Variants in MUC17 observed in about 807,000 individuals in gnomAD.
The protein encoded by MUC17 is mucin 17, cell surface associated, also known as mucin-17.
Under a neutral mutation model 170.3 loss-of-function variants are expected in MUC17, and 190 were observed. The observed-to-expected ratio is 1.12, with a 90% CI of 0.99 to 1.26. The LOEUF is 1.26. Ranked by LOEUF, MUC17 falls within the 50% of genes most tolerant of loss-of-function variation. The pLI is 0.00. For missense variants in MUC17, 6,415 were observed against 5,530.0 expected, an observed-to-expected ratio of 1.16 and a Z score of -5.08; for synonymous variants, 2,325 against 2,002.5, an observed-to-expected ratio of 1.16 and a Z score of -4.30.
Position 101,043,205 on chromosome 7 carries a change from C to T in MUC17, c.11789C>T (p.Thr3930Ile). The change falls in exon 3 of 13, where the codon ACA becomes ATA. Residue 3930 changes from threonine (T) to isoleucine (I), a missense_variant. Coordinates refer to ENST00000306151, the MANE Select transcript of MUC17 (RefSeq NM_001040105.2). ...ACCACCATATCTGTATCAGTGATCA[C>T]AGAAGGAAGCACACCTGGGACAACC... ...VATTISVSVI[T>I]EGSTPGTTIF... The T allele has an allele frequency of 6.2e-7, 1 of 1,614,152 alleles. No individual in the cohort carries two copies. The highest frequency in any genetic ancestry group is 8.5e-7 in the Non-Finnish European group (1 of 1,180,014).
chr7:101,038,515 A>G lies in MUC17; in HGVS notation c.7099A>G (p.Thr2367Ala), dbSNP rs143092040. ...TLSTTPADTS[T>A]PVTTYSQAGS... is the part of the protein sequence containing the mutation. Reference sequence around the variant, plus strand: ...TTCTACAACTCCTGCTGACACCAGCACACCTGTGACTACTTATTCTCAAGC... The same window carrying G: ...TTCTACAACTCCTGCTGACACCAGCGCACCTGTGACTACTTATTCTCAAGC... The change falls in exon 3 of 13, where the codon ACA (threonine) becomes GCA (alanine). Residue 2367 changes from threonine (T) to alanine (A), a missense_variant. Thr to Ala is a moderately conservative substitution (Grantham distance 58). Transcript: ENST00000306151. 2.5e-5 allele frequency: 40 copies of G among 1,605,170 alleles called. No homozygotes were observed. Among genetic ancestry groups the G allele is most frequent in the African/African-American group, 1.1e-4 (8 of 74,482 alleles).
Position 101,039,688 on chromosome 7 carries a change from G to C in MUC17, c.8272G>C (p.Val2758Leu), listed in dbSNP as rs755850315. 4.3e-6 allele frequency: 7 copies of C among 1,613,082 alleles called. No homozygotes were observed. Among genetic ancestry groups the C allele is most frequent in the Non-Finnish European group, 5.1e-6 (6 of 1,179,702 alleles). ...DGSTPLTSIL[V>L]STLPVASSEA... ...AAGTACTCCATTAACAAGTATACTT[G>C]TCAGCACCCTGCCAGTGGCCAGTTC... The change falls in exon 3 of 13, where the codon GTC becomes CTC. Residue 2758 changes from valine (V) to leucine (L), a missense_variant. Transcript: ENST00000306151.
chr7:101,037,705 C>A lies in MUC17; in HGVS notation c.6289C>A (p.Pro2097Thr). 1 of 1,612,456 alleles carries A rather than the reference C, an allele frequency of 6.2e-7. No homozygotes were observed. Among genetic ancestry groups the A allele is most frequent in the Non-Finnish European group, 8.5e-7 (1 of 1,179,628 alleles). Residue 2097 changes from proline (P) to threonine (T), a missense_variant, in exon 3 of 13, where the codon CCT becomes ACT. Physicochemically the swap from Pro to Thr is conservative, Grantham distance 38. Transcript: ENST00000306151. ...AGGTAGCAGCATGACAATCTCAGCT[C>A]CTAGTGAAGGAAGTCCTCTACTAAC... Reference protein sequence around the residue: ...AEGSSMTISAPSEGSPLLTSI... With the variant: ...AEGSSMTISATSEGSPLLTSI...
In MUC17 at chr7:101,049,382, G is replaced by A. The variant is rs769657075; in HGVS notation, c.12722G>A (p.Arg4241His). The A allele has an allele frequency of 3.7e-5, 60 of 1,612,096 alleles. No individual in the cohort carries two copies. Among genetic ancestry groups the A allele is most frequent in the Non-Finnish European group, 4.5e-5 (53 of 1,178,996 alleles). The change falls in exon 6 of 13, where the codon CGT becomes CAT. Residue 4241 changes from arginine to histidine, a missense_variant and splice_region_variant. Physicochemically the swap from Arg to His is conservative, Grantham distance 29. Coordinates refer to ENST00000306151, the MANE Select transcript of MUC17 (RefSeq NM_001040105.2). ...EYVGVNITKL[R>H]LGSVVVEHDV... ...GTCGGGGTGAACATCACAAAGCTAC[G>A]GTAAGTGTCTGGGCCCTTGGGAAGA... is the stretch of plus-strand genomic sequence containing the variant.
At position 101,043,123 on chromosome 7, in the gene MUC17, A is replaced by G. The variant is rs145373779; in HGVS notation, c.11707A>G (p.Ser3903Gly). ...AGCTTCGACACCTCCTCTTGACACA[A>G]GCACAACTTTTACCCCTTCTACTGA... ...SIASTPPLDTSTTFTPSTDTA... is the reference protein window; with the variant it reads ...SIASTPPLDTGTTFTPSTDTA... Residue 3903 changes from serine to glycine, a missense_variant, in exon 3 of 13, where the codon AGC becomes GGC. Ser to Gly is a moderately conservative substitution (Grantham distance 56, BLOSUM62 0). Transcript: ENST00000306151. 1.4e-5 allele frequency: 23 copies of G among 1,614,004 alleles called. No individual in the cohort carries two copies. The African/African-American group carries it at 2.0e-4, about 14-fold the overall frequency.
chr7:101,043,412 C>A lies in MUC17; in HGVS notation c.11996C>A (p.Ala3999Glu), dbSNP rs201522415. The A allele has an allele frequency of 4.1e-5, 66 of 1,614,036 alleles. No individual in the cohort carries two copies. The African/African-American group carries it at 7.5e-4, about 18-fold the overall frequency. ...KEFTTPAMTT[A>E]APLTYVTMST... The stretch of plus-strand genomic sequence containing the variant: ...TTTACAACACCCGCAATGACTACTG[C>A]AGCTCCCCTCACATATGTGACCATG... Residue 3999 changes from alanine to glutamate, a missense_variant, in exon 3 of 13, where the codon GCA (alanine) becomes GAA (glutamate). Coordinates refer to ENST00000306151, the MANE Select transcript of MUC17 (RefSeq NM_001040105.2).
At chr7:101,027,783 T>C (rs1794207167) in intron 1 of MUC17, among the ~76,000 whole-genome samples, 2 of 152,158 alleles carry the variant, frequency 1.3e-5, no homozygotes, top group African/African-American at 4.8e-5. Context: ...AAATTTCTTT[T>C]TTTTTTGAGA....
At position 101,041,356 on chromosome 7, in the gene MUC17, A is replaced by G. The variant is rs1794696079; in HGVS notation, c.9940A>G (p.Thr3314Ala). Residue 3314 changes from threonine (T) to alanine (A), a missense_variant, in exon 3 of 13, where the codon ACT becomes GCT. By Grantham distance (58) the Thr-to-Ala change is moderately conservative. Transcript: ENST00000306151. The stretch of plus-strand genomic sequence containing the variant: ...TGCTGACACCAGCACACCTGTGACC[A>G]CTTATTCTCAAGCCAGTTCATCTCC... ...TPADTSTPVT[T>A]YSQASSSPPI... is the part of the protein sequence containing the mutation. 1 of 1,613,282 alleles carries G rather than the reference A, an allele frequency of 6.2e-7. No homozygotes were observed.
chr7:101,058,316 G>A lies in MUC17; in HGVS notation c.*272G>A. The stretch of plus-strand genomic sequence containing the variant: ...GACGCTCCAGATTTGAGGGTACTCT[G>A]ACTGCAACATCTTTCACCCCATTGA... On this transcript the variant is annotated 3_prime_UTR_variant, in exon 13 of 13. Coordinates refer to ENST00000306151, the MANE Select transcript of MUC17 (RefSeq NM_001040105.2). The A allele has an allele frequency of 3.1e-6, 1 of 322,586 alleles. No individual in the cohort carries two copies. Among genetic ancestry groups the A allele is most frequent in the African/African-American group, 2.1e-5 (1 of 47,294 alleles). 20.0% of individuals were successfully genotyped at this position (322,586 alleles called of 1,614,324 possible).
At position 101,042,461 on chromosome 7, in the gene MUC17, C is replaced by A; in HGVS notation, c.11045C>A (p.Thr3682Asn). Residue 3682 changes from threonine to asparagine, a missense_variant, in exon 3 of 13, where the codon ACC becomes AAC. By Grantham distance (65) the Thr-to-Asn change is moderately conservative. Coordinates refer to ENST00000306151, the MANE Select transcript of MUC17 (RefSeq NM_001040105.2). ...TCATCTCCTGTGACTCCTGAAGGTACCACCATGCCAATCTGGACGCCTAGT... is the reference window on the plus strand; with the variant it reads ...TCATCTCCTGTGACTCCTGAAGGTAACACCATGCCAATCTGGACGCCTAGT... ...VSSSPVTPEG[T>N]TMPIWTPSEG... is the part of the protein sequence containing the mutation. 6.2e-7 allele frequency: 1 copy of A among 1,613,766 alleles called. No homozygotes were observed. Among genetic ancestry groups the A allele is most frequent in the South Asian group, 1.1e-5 (1 of 91,054 alleles).
Position 101,042,173 on chromosome 7 carries a change from C to T in MUC17, c.10757C>T (p.Thr3586Ile). 6.2e-7 allele frequency: 1 copy of T among 1,614,228 alleles called. No homozygotes were observed. The highest frequency in any genetic ancestry group is 2.2e-5 in the East Asian group (1 of 44,890). Residue 3586 changes from threonine (T) to isoleucine (I), a missense_variant, in exon 3 of 13, where the codon ACA becomes ATA. Transcript: ENST00000306151. ...SSLTTMLLSS[T>I]YVTSSEASTP... ...TTAACAACTATGCTCCTCAGCAGCA[C>T]ATATGTGACCAGTTCTGAGGCTAGC...
rs1794360636 is a variant in MUC17, at chr7:101,033,587, A to G, written c.2171A>G (p.Glu724Gly). Reference protein sequence around the residue: ...DTSTPVTTSTEASSSPTTADG... With the variant: ...DTSTPVTTSTGASSSPTTADG... ...AGCACACCTGTGACCACTTCAACTGAAGCCAGTTCCTCTCCTACAACTGCT... is the reference window on the plus strand; with the variant it reads ...AGCACACCTGTGACCACTTCAACTGGAGCCAGTTCCTCTCCTACAACTGCT... The change falls in exon 3 of 13, where the codon GAA (glutamate) becomes GGA (glycine). Residue 724 changes from glutamate to glycine, a missense_variant. Coordinates refer to ENST00000306151, the MANE Select transcript of MUC17 (RefSeq NM_001040105.2). 1.9e-6 allele frequency: 3 copies of G among 1,613,740 alleles called. No homozygotes were observed. The highest frequency in any genetic ancestry group is 2.5e-6 in the Non-Finnish European group (3 of 1,179,932).
chr7:101,041,289 A>T lies in MUC17; in HGVS notation c.9873A>T (p.Thr3291=), dbSNP rs527760825. ...TAACAAGTATGCCTGTCAGCACCAC[A>T]ACGGTGGCCAGTTCTGAAACGAGCA... is the stretch of plus-strand genomic sequence containing the variant. The part of the protein sequence containing the change: ...TPLTSMPVST[T]TVASSETSTL... The change falls in exon 3 of 13, where the codon ACA becomes ACT. Residue 3291 remains threonine (T), a synonymous_variant. Coordinates refer to ENST00000306151, the MANE Select transcript of MUC17 (RefSeq NM_001040105.2). 1,643 of 1,601,672 alleles carry T rather than the reference A, an allele frequency of 1.0e-3. 5 individuals are homozygous for T. The African/African-American group carries it at 0.019, about 18-fold the overall frequency.
chr7:101,030,971 A>G, intron 1 of MUC17, 149 bp from the exon 2 acceptor site: 3 of 913,196 alleles, frequency 3.3e-6, no homozygotes. Context: ...TTTCTGGGGC[A>G]GGGTCCTGAT....
At chr7:101,029,793 T>A (rs1378727703) in intron 1 of MUC17, among the ~76,000 whole-genome samples, 1 of 151,980 alleles carries the variant, frequency 6.6e-6, no homozygotes, top group Non-Finnish European at 1.5e-5. Context: ...GAGACAGGGT[T>A]TCACCATGTT....
In MUC17 at chr7:101,047,971, G is replaced by C. The variant is rs768965597; in HGVS notation, c.12404-13G>C. On this transcript the variant is annotated splice_polypyrimidine_tract_variant and intron_variant, in intron 3 of 12. Transcript: ENST00000306151. ...AGGAACTTGGAAAGAAAACTTCTGT[G>C]ATTGTTCCACAGGCTTTGGAGATGG... 4 of 1,570,382 alleles carry C rather than the reference G, an allele frequency of 2.5e-6. No individual in the cohort carries two copies. Among genetic ancestry groups the C allele is most frequent in the Non-Finnish European group, 3.4e-6 (4 of 1,160,188 alleles).
Position 101,031,169 on chromosome 7 carries a change from A to G in MUC17, c.132A>G (p.Gln44=), listed in dbSNP as rs1348070065. The G allele has an allele frequency of 1.2e-6, 2 of 1,613,808 alleles. No homozygotes were observed. The highest frequency in any genetic ancestry group is 2.2e-5 in the East Asian group (1 of 44,866). The change falls in exon 2 of 13, where the codon CAA becomes CAG. Residue 44 remains glutamine, a synonymous_variant. Coordinates refer to ENST00000306151, the MANE Select transcript of MUC17 (RefSeq NM_001040105.2). ...GGGATGGAGGAGGGTGCATCTCCCA[A>G]GGGGACGTCTTGAACCGTCAGTGCC... ...AVWDGGGCIS[Q]GDVLNRQCQQ...
At chr7:101,049,453 G>C (rs1360515088) in intron 6 of MUC17, 71 bp downstream of exon 6, 1 of 1,548,078 alleles carries the variant, frequency 6.5e-7, no homozygotes, top group African/African-American at 1.4e-5. Flanking sequence ...AAGGCAATTA[G>C]AACTGTGCCC....
Position 101,037,541 on chromosome 7 carries a change from G to A in MUC17, c.6125G>A (p.Arg2042Gln), listed in dbSNP as rs373744994. 1.1e-5 allele frequency: 18 copies of A among 1,613,744 alleles called. No homozygotes were observed. The highest frequency in any genetic ancestry group is 8.0e-5 in the African/African-American group (6 of 74,846). The change falls in exon 3 of 13, where the codon CGG (arginine) becomes CAG (glutamine). Residue 2042 changes from arginine (R) to glutamine (Q), a missense_variant. By Grantham distance (43) the Arg-to-Gln change is conservative. Coordinates refer to ENST00000306151, the MANE Select transcript of MUC17 (RefSeq NM_001040105.2). ...ATACAAACCTCAACTCCTAGTGAAC[G>A]GACCACTCCATTAGCAGGTATGCCT... ...TSIQTSTPSE[R>Q]TTPLAGMPVS...
Sources: allele counts gnomAD v4.1 joint callset (sites outside exome capture counted in the v4.1 genomes callset), GRCh38; gene constraint gnomAD v4.1.1; transcripts MANE v1.5; gene names NCBI Gene and HGNC (gene_info 2026-07-23, HGNC 2026-07-21).